Variants in ABCB10 observed in about 807,000 individuals in gnomAD.
ABCB10 encodes the protein ATP-binding cassette sub-family B member 10, mitochondrial.
In ABCB10, 54 loss-of-function variants were observed where a neutral mutation model predicts 65.4. The ratio of observed to expected loss-of-function variants is 0.83; its 90% CI spans 0.66 to 1.04. The LOEUF (loss-of-function observed/expected upper bound fraction) is 1.04, where lower values mean the gene tolerates loss of function less well. ABCB10 is among the 50% of genes least tolerant of loss of function. The probability of loss-of-function intolerance (pLI) is 0.00; values close to 1 mark genes in which losing one functional copy is unlikely to be tolerated. For synonymous variants in ABCB10, 418 were observed against 406.5 expected (o/e 1.03, Z -0.34); for missense variants, 846 against 976.6 (o/e 0.87, Z 1.78).
intron 7 of ABCB10, 144 bp from the exon 8 acceptor site, chr1:229,530,552 A>T: frequency 3.7e-6 from 3 of 808,528 alleles, no homozygotes; most frequent in Non-Finnish European, 5.9e-6. Context: ...GGCAAGTCAG[A>T]AGCAAACCTA....
intron 3 of ABCB10, among the ~76,000 whole-genome samples, chr1:229,544,406 G>C (rs1662919488): frequency 1.9e-5 from 2 of 105,688 alleles, no homozygotes; most frequent in South Asian, 6.8e-4. Flanking sequence ...AACAGGGTGA[G>C]ACCTTCTCTC....
intron 11 of ABCB10, among the ~76,000 whole-genome samples, chr1:229,521,027 A>C (rs556919866): frequency 6.6e-6 from 1 of 152,250 alleles, no homozygotes; most frequent in Non-Finnish European, 1.5e-5. Context: ...CATTTAAAAT[A>C]AATGAATTTT....
At chr1:229,536,788 TCTACAAAAA>T (rs1662730183) in intron 6 of ABCB10, among the ~76,000 whole-genome samples, 1 of 151,936 alleles carries the variant, frequency 6.6e-6, no homozygotes, top group East Asian at 2.0e-4. Context: ...AAACTCTGTC[TCTACAAAAA>T]CTACAAAAAC....
intron 6 of ABCB10, among the ~76,000 whole-genome samples, chr1:229,539,132 G>A (rs372867363): frequency 2.0e-5 from 3 of 152,092 alleles, no homozygotes; most frequent in Non-Finnish European, 2.9e-5. Context: ...CTTGCTCAGC[G>A]CCGCCCTCCT....
Position 229,549,409 on chromosome 1 carries a change from G to A in ABCB10, c.543C>T (p.Ser181=), listed in dbSNP as rs748254950. ...AAGGGGCAGACATGGAGATAACACT[G>A]GACATCGTGAGAAATCCAACCGCAG... ...LAAAVGFLTM[S]SVISMSAPFF... The change falls in exon 2 of 13, where the codon TCC becomes TCT. Residue 181 remains serine, a synonymous_variant. Transcript: ENST00000344517. The A allele has an allele frequency of 1.9e-6, 3 of 1,614,066 alleles. No individual in the cohort carries two copies. In the South Asian group the frequency reaches 3.3e-5, roughly 18 times the overall value.
chr1:229,531,946 AG>A, intron 6 of ABCB10: 30 of 219,706 alleles, frequency 1.4e-4, no homozygotes, highest in Middle Eastern at 1.6e-3. Flanking sequence ...CCAGTTTCAT[AG>A]TTTTTTTTTT....
intron 1 of ABCB10, among the ~76,000 whole-genome samples, chr1:229,553,424 A>G (rs1386706293): frequency 6.6e-6 from 1 of 152,084 alleles, no homozygotes; most frequent in Non-Finnish European, 1.5e-5. Flanking sequence ...TTGCATTTTT[A>G]AATGATCCAC....
Position 229,558,190 on chromosome 1 carries a change from G to A in ABCB10, c.463C>T (p.Pro155Ser). Residue 155 changes from proline to serine, a missense_variant, in exon 1 of 13, where the codon CCG becomes TCG. This residue lies in a region of ABCB10 where 632 missense variants were observed against 803.2 expected (regional missense o/e 0.79). Transcript: ENST00000344517. ...AGCCCCAGGAGCTTCCGGGCCTCCG[G>A]GAGTCCGGCCGCTGCGGGGCGCAGC... The part of the protein sequence containing the change: ...GRLRPAAAGL[P>S]EARKLLGLAY... 2 of 1,430,058 alleles carry A rather than the reference G, an allele frequency of 1.4e-6. No homozygotes were observed. The highest frequency in any genetic ancestry group is 9.1e-7 in the Non-Finnish European group (1 of 1,094,632). The allele number at this position is 1,430,058 out of a possible 1,614,324, so 88.6% of individuals were successfully genotyped here. A position where few individuals can be genotyped will look rare whatever the true frequency, so the allele number is the denominator to read the frequency against.
At chr1:229,526,515 C>G (rs1283679402) in intron 9 of ABCB10, among the ~76,000 whole-genome samples, 1 of 152,158 alleles carries the variant, frequency 6.6e-6, no homozygotes, top group Non-Finnish European at 1.5e-5. Context: ...AATAAGCAAA[C>G]TTCCAGGCTC....
chr1:229,540,885 G>C, intron 4 of ABCB10, 133 bp from the exon 5 acceptor site: 3 of 1,056,884 alleles, frequency 2.8e-6, no homozygotes, highest in South Asian at 3.6e-5. Flanking sequence ...ATAGTAAGAA[G>C]TGAGAACTCC....
rs1471389862 is a variant in ABCB10, at chr1:229,530,424, G to A, written c.1436-16C>T. The A allele has an allele frequency of 6.2e-7, 1 of 1,612,896 alleles. No individual in the cohort carries two copies. Among genetic ancestry groups the A allele is most frequent in the Admixed American group, 1.7e-5 (1 of 59,866 alleles). ...ATGACCCCCTCTGAAACATAAAATG[G>A]AATATTAATTACTTACAGCAAAAAA... is the stretch of plus-strand genomic sequence containing the variant. On this transcript the variant is annotated splice_polypyrimidine_tract_variant and intron_variant, in intron 7 of 12. Transcript: ENST00000344517.
intron 10 of ABCB10, among the ~76,000 whole-genome samples, chr1:229,522,125 C>T (rs1330391377): frequency 6.6e-6 from 1 of 152,194 alleles, no homozygotes; most frequent in Non-Finnish European, 1.5e-5. Context: ...TCCCAAAGTG[C>T]TGGGATTATA....
rs760545765 is a variant in ABCB10, at chr1:229,542,368, A to G, written c.925T>C (p.Phe309Leu). 8 of 1,607,714 alleles carry G rather than the reference A, an allele frequency of 5.0e-6. No individual in the cohort carries two copies. Among genetic ancestry groups the G allele is most frequent in the Non-Finnish European group, 5.9e-6 (7 of 1,178,252 alleles). ...AAGGTGGCCAGATTAGGTGAGACAA[A>G]AAACTGTCAAAAACAAAAAAAAATT... ...QASVGISMMF[F>L]VSPNLATFVL... Residue 309 changes from phenylalanine (F) to leucine (L), a missense_variant, in exon 4 of 13, where the codon TTT becomes CTT. Physicochemically the swap from Phe to Leu is conservative, Grantham distance 22 (BLOSUM62 0). Coordinates refer to ENST00000344517, the MANE Select transcript of ABCB10 (RefSeq NM_012089.3).
intron 1 of ABCB10, among the ~76,000 whole-genome samples, chr1:229,556,889 G>A (rs1234094370): frequency 6.6e-6 from 1 of 152,180 alleles, no homozygotes; most frequent in Non-Finnish European, 1.5e-5. Flanking sequence ...AAGAACTAGA[G>A]ACAGAAAGAT....
At chr1:229,521,485 A>C (rs1662314566) in intron 11 of ABCB10, 107 bp downstream of exon 11, 2 of 1,403,262 alleles carry the variant, frequency 1.4e-6, no homozygotes, top group African/African-American at 1.5e-5. Flanking sequence ...AAAAAAAAAA[A>C]ACAAAAAACA....
chr1:229,549,938 T>A (rs889552595), intron 1 of ABCB10: 1 of 154,794 alleles, frequency 6.5e-6, no homozygotes, highest in Non-Finnish European at 1.4e-5. Context: ...GCACCCAATC[T>A]TGTCTGACCT....
chr1:229,537,059 G>T (rs192980328), intron 6 of ABCB10, among the ~76,000 whole-genome samples: 1 of 152,276 alleles, frequency 6.6e-6, no homozygotes, highest in East Asian at 1.9e-4. Context: ...GACATATATT[G>T]TATGATTCCT....
At chr1:229,522,594 C>G (rs370151247) in intron 10 of ABCB10, among the ~76,000 whole-genome samples, 1 of 152,170 alleles carries the variant, frequency 6.6e-6, no homozygotes, top group East Asian at 1.9e-4. Flanking sequence ...AGTAGCATGT[C>G]CAGGATCTCA....
chr1:229,533,039 T>G (rs1348614486), intron 6 of ABCB10, among the ~76,000 whole-genome samples: 1 of 152,174 alleles, frequency 6.6e-6, no homozygotes, highest in African/African-American at 2.4e-5. Context: ...ACTCCTGGGC[T>G]CAAGCAATCC....
Sources: gnomAD v4.1 joint callset for allele counts (sites outside exome capture counted in the v4.1 genomes callset) on GRCh38, gnomAD v4.1.1 for gene constraint, gnomAD v4.1.1 regional missense constraint, MANE v1.5 for transcripts, NCBI Gene and HGNC (gene_info 2026-07-23, HGNC 2026-07-21) for gene names.